The following TRIP10 variants were observed in gnomAD, a reference collection of about 807,000 sequenced individuals.
TRIP10 encodes thyroid hormone receptor interactor 10.
A neutral mutation model predicts 80.9 loss-of-function variants in TRIP10; 54 were observed. The observed-to-expected ratio is 0.67, with a 90% confidence interval of 0.54 to 0.84. TRIP10 has a LOEUF of 0.84. Ranked by LOEUF, TRIP10 falls within the 40% of genes least tolerant of loss-of-function variation. The probability of loss-of-function intolerance (pLI) is 0.00; values close to 1 mark genes in which losing one functional copy is unlikely to be tolerated. For missense variants in TRIP10, 773 were observed against 815.3 expected, an observed-to-expected ratio of 0.95 and a Z score of 0.63; for synonymous variants, 321 against 307.2, an observed-to-expected ratio of 1.04 and a Z score of -0.47.
rs150788822 is a variant in TRIP10 at position 6,745,361 on chromosome 19, T to C, written c.984+367T>C. On this transcript the variant is annotated intron_variant, in intron 9 of 14. Transcript: ENST00000313244. The surrounding 1 kb of genome is among the most constrained non-coding windows in gnomAD (Gnocchi z 7.2). ...GGGACTCTGGGAGCCGCCCTGCATG[T>C]CTTGCTTTCTTGGGTTTTTGGATTT... Among the ~76,000 whole-genome samples, 201 of 152,252 alleles carry C rather than the reference T, an allele frequency of 1.3e-3. No individual in the cohort carries two copies. The highest frequency in any genetic ancestry group is 0.011 in the South Asian group (51 of 4,818).
rs774473723 is a variant in TRIP10 at position 6,745,706 on chromosome 19, C to T, written c.985-323C>T. ...TGCCTCCTGGACCCATGCTTGCTCC[C>T]GGACATAACATTCCAGAGACCTAGG... On this transcript the variant is annotated intron_variant, in intron 9 of 14. Coordinates refer to ENST00000313244, the MANE Select transcript of TRIP10 (RefSeq NM_001288962.2). This position sits in a 1 kb window ranked among gnomAD's most constrained non-coding sequence, Gnocchi z 7.2. 777 of 985,254 alleles carry T rather than the reference C, an allele frequency of 7.9e-4. 1 individual carries two copies. Among genetic ancestry groups the T allele is most frequent in the Non-Finnish European group, 9.1e-4 (757 of 829,888 alleles). 61.0% of individuals were successfully genotyped at this position (985,254 alleles called of 1,614,324 possible).
At chr19:6,743,962 A>C (rs895268669) in intron 7 of TRIP10, 126 bp downstream of exon 7, 1 of 1,278,756 alleles carries the variant, frequency 7.8e-7, no homozygotes, top group Non-Finnish European at 1.1e-6. Context: ...TCAGAAACCT[A>C]TAGTAACAGT....
chr19:6,750,139 C>CCGGGGGGGGGGGGGGGGGGGGGGG, intron 12 of TRIP10, 73 bp downstream of exon 12: 1 of 376,652 alleles, frequency 2.7e-6, no homozygotes, highest in Non-Finnish European at 4.2e-6. Flanking sequence ...GGTGGGGGGT[C>CCGGGGGGGGGGGGGGGGGGGGGGG]GGGGACAGGG....
intron 11 of TRIP10, 37 bp from the exon 12 acceptor site, chr19:6,749,897 G>A (rs1208429428): frequency 1.9e-6 from 3 of 1,593,120 alleles, no homozygotes; most frequent in South Asian, 1.1e-5. Context: ...TCACACGGAA[G>A]TATGTTTTCC....
Position 6,746,637 on chromosome 19 carries a change from A to T in TRIP10, c.1262+76A>T. 1.0e-6 allele frequency: 1 copy of T among 998,094 alleles called. No homozygotes were observed. Among genetic ancestry groups the T allele is most frequent in the Non-Finnish European group, 1.4e-6 (1 of 722,990 alleles). 61.8% of individuals were successfully genotyped at this position (998,094 alleles called of 1,614,324 possible). On this transcript the variant is annotated intron_variant, in intron 11 of 14. Coordinates refer to ENST00000313244, the MANE Select transcript of TRIP10 (RefSeq NM_001288962.2). The surrounding 1 kb of genome is among the most constrained non-coding windows in gnomAD (Gnocchi z 6.2). ...AATGAACTTCACTTATTTGTTTATT[A>T]TTTTATTTTATTTATTTTATTATAT...
At chr19:6,742,367 G>A in intron 3 of TRIP10, among the ~76,000 whole-genome samples, 1 of 152,014 alleles carries the variant, frequency 6.6e-6, no homozygotes, top group East Asian at 1.9e-4. Flanking sequence ...TCCAGCCTGG[G>A]CGACAGAGTG....
At position 6,745,086 on chromosome 19, in the gene TRIP10, GC is replaced by G. The variant is rs1969069979; in HGVS notation, c.984+94del. 6.2e-6 allele frequency: 9 copies of G among 1,447,514 alleles called. No individual in the cohort carries two copies. The highest frequency in any genetic ancestry group is 8.2e-6 in the Non-Finnish European group (9 of 1,093,342). The allele number at this position is 1,447,514 out of a possible 1,614,324, so 89.7% of individuals were successfully genotyped here. On this transcript the variant is annotated intron_variant, in intron 9 of 14. Transcript: ENST00000313244. The surrounding 1 kb of genome is among the most constrained non-coding windows in gnomAD (Gnocchi z 7.2). ...TTGAGTCAGCCCCAGCCGCCTGAAC[GC>G]CGAGTCTCGGGCAGGAATTTTCCTC...
rs1444738500 is a variant in TRIP10 at position 6,746,278 on chromosome 19, G to A, written c.1152+82G>A. The A allele has an allele frequency of 3.5e-5, 52 of 1,482,720 alleles. No individual in the cohort carries two copies. Among genetic ancestry groups the A allele is most frequent in the Non-Finnish European group, 4.6e-5 (51 of 1,110,462 alleles). 91.8% of individuals were successfully genotyped at this position (1,482,720 alleles called of 1,614,324 possible). A position where few individuals can be genotyped will look rare whatever the true frequency, so the allele number is the denominator to read the frequency against. On this transcript the variant is annotated intron_variant, in intron 10 of 14. Coordinates refer to ENST00000313244, the MANE Select transcript of TRIP10 (RefSeq NM_001288962.2). The surrounding 1 kb of genome is among the most constrained non-coding windows in gnomAD (Gnocchi z 6.2). ...TGGCGGGACCCTGGGCTCGCTTCCT[G>A]CCGCTGGCTGGGCCCCTCTTCCCTG...
Position 6,746,075 on chromosome 19 carries a change from C to A in TRIP10, c.1031C>A (p.Ala344Glu). 6.7e-7 allele frequency: 1 copy of A among 1,493,342 alleles called. No homozygotes were observed. The highest frequency in any genetic ancestry group is 9.0e-7 in the Non-Finnish European group (1 of 1,116,208). The allele number at this position is 1,493,342 out of a possible 1,614,324, so 92.5% of individuals were successfully genotyped here. ...LSPLGGPVPS[A>E]LPNGPPSPRS... ...CCCCTGGGGGGCCCCGTACCCTCGG[C>A]ATTGCCTAACGGACCCCCGTCCCCC... The change falls in exon 10 of 15, where the codon GCA becomes GAA. Residue 344 changes from alanine (A) to glutamate (E), a missense_variant. Transcript: ENST00000313244. This position sits in a 1 kb window ranked among gnomAD's most constrained non-coding sequence, Gnocchi z 6.2.
At position 6,744,877 on chromosome 19, in the gene TRIP10, G is replaced by A. The variant is rs771913859; in HGVS notation, c.867G>A (p.Gln289=). The change falls in exon 9 of 15, where the codon CAG becomes CAA. Residue 289 remains glutamine (Q), a synonymous_variant. Transcript: ENST00000313244. The surrounding 1 kb of genome is among the most constrained non-coding windows in gnomAD (Gnocchi z 4.9). ...ACGTGGAATTCGAGGACTTCAGCCA[G>A]CCCATGAACCGTGCACCCTCCGACA... ...PGDVEFEDFS[Q]PMNRAPSDSS... 7 of 1,614,136 alleles carry A rather than the reference G, an allele frequency of 4.3e-6. No homozygotes were observed. The highest frequency in any genetic ancestry group is 4.2e-6 in the Non-Finnish European group (5 of 1,180,052).
rs763734449 is a variant in TRIP10 at position 6,750,327 on chromosome 19, C to T, written c.1431C>T (p.Ser477=). The change falls in exon 13 of 15, where the codon AGC becomes AGT. Residue 477 remains serine (S), a synonymous_variant. Coordinates refer to ENST00000313244, the MANE Select transcript of TRIP10 (RefSeq NM_001288962.2). ...CAGAAGCTGAAAGTCGAGTCCTTAG[C>T]AACCGGGGAGACAGCCTGAGCCGGC... ...WLAEAESRVL[S]NRGDSLSRHA... The T allele has an allele frequency of 1.2e-6, 2 of 1,614,076 alleles. No homozygotes were observed. Among genetic ancestry groups the T allele is most frequent in the Non-Finnish European group, 1.7e-6 (2 of 1,179,994 alleles).
chr19:6,741,871 G>A (rs532342387), intron 3 of TRIP10, among the ~76,000 whole-genome samples: 2 of 152,006 alleles, frequency 1.3e-5, no homozygotes, highest in African/African-American at 4.8e-5. Flanking sequence ...AGGCTGGAGT[G>A]CAGTGGCGCC....
intron 1 of TRIP10, 189 bp from the exon 2 acceptor site, chr19:6,740,821 C>T (rs537700912): frequency 3.4e-6 from 2 of 580,742 alleles, no homozygotes; most frequent in Admixed American, 3.1e-5. Flanking sequence ...CGGCCCTTCC[C>T]GGGAAGGGGA....
Position 6,744,948 on chromosome 19 carries a change from CG to C in TRIP10, c.941del (p.Gly314ValfsTer49). ...PSDGRPELRG[P>X]GRSRTKRWPF... Reference sequence around the variant, plus strand: ...GATGGACGGCCTGAACTCCGAGGCCCGGGTCGCAGCCGCACCAAGCGCTGGC... The same window carrying C: ...GATGGACGGCCTGAACTCCGAGGCCCGGTCGCAGCCGCACCAAGCGCTGGC... On this transcript the variant is annotated frameshift_variant, in exon 9 of 15. Coordinates refer to ENST00000313244, the MANE Select transcript of TRIP10 (RefSeq NM_001288962.2). LOFTEE classifies it high-confidence loss of function. This position sits in a 1 kb window ranked among gnomAD's most constrained non-coding sequence, Gnocchi z 4.9. The C allele has an allele frequency of 3.7e-6, 6 of 1,614,012 alleles. No homozygotes were observed. The highest frequency in any genetic ancestry group is 5.1e-6 in the Non-Finnish European group (6 of 1,179,998).
At chr19:6,742,592 C>CG (rs1414529332) in intron 3 of TRIP10, among the ~76,000 whole-genome samples, 6 of 151,520 alleles carry the variant, frequency 4.0e-5, no homozygotes, top group African/African-American at 1.5e-4. Flanking sequence ...ATGCGGAGTT[C>CG]GGGGGGATTG....
At chr19:6,741,528 C>A (rs1968917684) in intron 3 of TRIP10, among the ~76,000 whole-genome samples, 1 of 152,158 alleles carries the variant, frequency 6.6e-6, no homozygotes. Context: ...AATACAGAGG[C>A]CCCAGCAGTT....
chr19:6,743,394 A>G (rs2277986), intron 5 of TRIP10, 100 bp from the exon 6 acceptor site: 367,803 of 1,515,800 alleles, frequency 0.24, 47,266 homozygotes, highest in Non-Finnish European at 0.26. Flanking sequence ...CTTGACCCCT[A>G]CTTACTGGAT....
At position 6,744,852 on chromosome 19, in the gene TRIP10, A is replaced by G. The variant is rs1365842200; in HGVS notation, c.842A>G (p.Asp281Gly). Residue 281 changes from aspartate (D) to glycine (G), a missense_variant, in exon 9 of 15, where the codon GAC becomes GGC. Transcript: ENST00000313244. The surrounding 1 kb of genome is among the most constrained non-coding windows in gnomAD (Gnocchi z 4.9). ...AAGTCAGGTTTTGCCCGCCCGGGCG[A>G]CGTGGAATTCGAGGACTTCAGCCAG... ...LHKSGFARPG[D>G]VEFEDFSQPM... is the part of the protein sequence containing the mutation. The G allele has an allele frequency of 1.9e-6, 3 of 1,614,226 alleles. No individual in the cohort carries two copies. Among genetic ancestry groups the G allele is most frequent in the Non-Finnish European group, 2.5e-6 (3 of 1,180,036 alleles).
intron 11 of TRIP10, among the ~76,000 whole-genome samples, chr19:6,749,040 T>C (rs1029189743): frequency 1.3e-5 from 2 of 152,162 alleles, no homozygotes; most frequent in African/African-American, 4.8e-5. Flanking sequence ...ATCTGTCTTG[T>C]TTAGTGTTAT....
Sources: allele counts gnomAD v4.1 joint callset (sites outside exome capture counted in the v4.1 genomes callset), GRCh38; gene constraint gnomAD v4.1.1; non-coding constraint Gnocchi (gnomAD v3.1); transcripts MANE v1.5; gene names NCBI Gene and HGNC (gene_info 2026-07-23, HGNC 2026-07-21).